The following KDM4C variants were observed in gnomAD, a reference collection of about 807,000 sequenced individuals.
The protein encoded by KDM4C is lysine-specific demethylase 4C.
A neutral mutation model predicts 129.3 loss-of-function variants in KDM4C; 81 were observed. The observed-to-expected ratio is 0.63, with a 90% CI of 0.52 to 0.75. KDM4C has a LOEUF of 0.75. Ranked by LOEUF, KDM4C falls within the 30% of genes least tolerant of loss-of-function variation. KDM4C has a pLI of 0.00. For missense variants in KDM4C, 1,457 were observed against 1,304.0 expected, an observed-to-expected ratio of 1.12 and a Z score of -1.81; for synonymous variants, 573 against 456.1, an observed-to-expected ratio of 1.26 and a Z score of -3.26.
chr9:7,091,419 C>A (rs1270084417), intron 17 of KDM4C, among the ~76,000 whole-genome samples: 2 of 152,002 alleles, frequency 1.3e-5, no homozygotes, highest in Non-Finnish European at 1.5e-5. Context: ...CACTAAAACA[C>A]TTTATACTTA....
At chr9:7,013,541 G>A (rs1823078381) in intron 13 of KDM4C, among the ~76,000 whole-genome samples, 1 of 152,210 alleles carries the variant, frequency 6.6e-6, no homozygotes, top group South Asian at 2.1e-4. Context: ...CACAGTTTTA[G>A]TAGCCAGTTG....
At chr9:6,877,327 A>G (rs1218201532) in intron 5 of KDM4C, among the ~76,000 whole-genome samples, 1 of 152,112 alleles carries the variant, frequency 6.6e-6, no homozygotes. Context: ...CAGCCTCCCA[A>G]GTAGCTGAGA....
chr9:6,848,769 A>G (rs1838314660), intron 4 of KDM4C, among the ~76,000 whole-genome samples: 1 of 152,210 alleles, frequency 6.6e-6, no homozygotes. Flanking sequence ...TCGCTCTGCC[A>G]TCACCATCCA....
At chr9:6,971,036 G>C (rs892031102) in intron 8 of KDM4C, among the ~76,000 whole-genome samples, 1 of 152,056 alleles carries the variant, frequency 6.6e-6, no homozygotes, top group Admixed American at 6.5e-5. Context: ...TGATGACAGC[G>C]CATTCCTTTT....
chr9:6,925,265 G>C, intron 8 of KDM4C: 1 of 985,312 alleles, frequency 1.0e-6, no homozygotes, highest in Non-Finnish European at 1.2e-6. Flanking sequence ...CAGCATTGTA[G>C]GAGGTAGTTA....
At position 6,721,077 on chromosome 9, in the gene KDM4C, C is replaced by G. The variant is rs1227232028; in HGVS notation, c.49+80C>G. 4 of 1,322,740 alleles carry G rather than the reference C, an allele frequency of 3.0e-6. No homozygotes were observed. In the East Asian group the frequency reaches 1.0e-4, roughly 34 times the overall value. 81.9% of individuals were successfully genotyped at this position (1,322,740 alleles called of 1,614,324 possible). A position where few individuals can be genotyped will look rare whatever the true frequency, so the allele number is the denominator to read the frequency against. ...GTCACACTTAAAGCAATGTTAATTTCTTTATTTTTATTTTTTTAGAATCAA... is the reference window on the plus strand; with the variant it reads ...GTCACACTTAAAGCAATGTTAATTTGTTTATTTTTATTTTTTTAGAATCAA... On this transcript the variant is annotated intron_variant, in intron 1 of 17. Transcript: ENST00000536108.
intron 17 of KDM4C, among the ~76,000 whole-genome samples, chr9:7,067,495 T>G (rs16925278): frequency 0.038 from 5,783 of 152,264 alleles, 126 homozygotes; most frequent in South Asian, 0.07. Flanking sequence ...GCTCAGAGTT[T>G]AGGTTATCAG....
intron 17 of KDM4C, among the ~76,000 whole-genome samples, chr9:7,089,529 ATAACT>A (rs1835540916): frequency 2.0e-5 from 3 of 152,246 alleles, no homozygotes; most frequent in Admixed American, 1.3e-4. Flanking sequence ...GGGGGAAGTC[ATAACT>A]TCACTTCACT....
At chr9:6,842,435 C>A (rs577339195) in intron 4 of KDM4C, among the ~76,000 whole-genome samples, 1 of 150,576 alleles carries the variant, frequency 6.6e-6, no homozygotes. Context: ...CCTGGGTTCA[C>A]GTGATTCTCT....
At chr9:6,734,676 G>A (rs1172884751) in intron 1 of KDM4C, 4 of 295,456 alleles carry the variant, frequency 1.4e-5, no homozygotes, top group Non-Finnish European at 2.0e-5. Context: ...TGCCGAGGCT[G>A]ACTCCTTTCA....
chr9:6,734,288 GTTTTTTTTT>G (rs57329090), intron 1 of KDM4C, among the ~76,000 whole-genome samples: 1 of 110,296 alleles, frequency 9.1e-6, no homozygotes, highest in South Asian at 3.1e-4. Context: ...CCCATGTTTG[GTTTTTTTTT>G]TTTTTTTTTT....
chr9:6,930,262 A>C (rs201203991), intron 8 of KDM4C, among the ~76,000 whole-genome samples: 2 of 152,160 alleles, frequency 1.3e-5, no homozygotes, highest in East Asian at 1.9e-4. Context: ...TTGAATTTTC[A>C]CATTCTCAGA....
intron 18 of KDM4C, among the ~76,000 whole-genome samples, chr9:7,114,955 T>C (rs1475602151): frequency 6.6e-6 from 1 of 152,112 alleles, no homozygotes; most frequent in Admixed American, 6.5e-5. Flanking sequence ...GGTGTGCGCC[T>C]ATGGTCCCAG....
intron 18 of KDM4C, among the ~76,000 whole-genome samples, chr9:7,111,625 C>T (rs1838328565): frequency 6.6e-6 from 1 of 152,072 alleles, no homozygotes; most frequent in Non-Finnish European, 1.5e-5. Flanking sequence ...AGTGTGTGCA[C>T]AAACTTCCTC....
intron 5 of KDM4C, among the ~76,000 whole-genome samples, chr9:6,876,130 C>G (rs945346037): frequency 9.9e-5 from 15 of 152,148 alleles, no homozygotes; most frequent in African/African-American, 2.9e-4. Context: ...GCCTGTCTGA[C>G]CCTTGATGTT....
At chr9:6,844,931 G>T (rs1021140231) in intron 4 of KDM4C, among the ~76,000 whole-genome samples, 1 of 152,014 alleles carries the variant, frequency 6.6e-6, no homozygotes, top group Non-Finnish European at 1.5e-5. Flanking sequence ...CAGGTGATCC[G>T]CCTGCCTCGG....
intron 15 of KDM4C, among the ~76,000 whole-genome samples, chr9:7,040,398 T>C (rs574255750): frequency 2.6e-4 from 39 of 147,594 alleles, no homozygotes; most frequent in South Asian, 2.4e-3. Flanking sequence ...TGTGTGTGTG[T>C]GTGTGTGCGT....
At chr9:6,741,623 T>C (rs767305597) in intron 1 of KDM4C, among the ~76,000 whole-genome samples, 3 of 152,036 alleles carry the variant, frequency 2.0e-5, no homozygotes, top group Non-Finnish European at 4.4e-5. Context: ...AGCATGTCTT[T>C]ATTTCATCTT....
chr9:6,847,181 A>C (rs946259842), intron 4 of KDM4C, among the ~76,000 whole-genome samples: 5 of 152,228 alleles, frequency 3.3e-5, no homozygotes, highest in African/African-American at 1.2e-4. Context: ...CATTCAGTTT[A>C]AAAATGGTTC....
Sources: allele counts gnomAD v4.1 joint callset (sites outside exome capture counted in the v4.1 genomes callset), GRCh38; gene constraint gnomAD v4.1.1; transcripts MANE v1.5; gene names NCBI Gene and HGNC (gene_info 2026-07-23, HGNC 2026-07-21).